The following GNA14 variants were observed in gnomAD, a reference collection of about 807,000 sequenced individuals.
The protein encoded by GNA14 is G protein subunit alpha 14.
A neutral mutation model predicts 42.0 loss-of-function variants in GNA14; 50 were observed. That is an observed-to-expected ratio of 1.19 (90% CI 0.95 to 1.51). GNA14 has a LOEUF of 1.51. Among genes scored for constraint, GNA14 ranks in the 40% most tolerant of loss-of-function variants. The pLI is 0.00. For missense variants in GNA14, 473 were observed against 446.2 expected (o/e 1.06, Z -0.54); for synonymous variants, 173 against 163.1 (o/e 1.06, Z -0.46).
At chr9:77,645,728 T>C (rs1432373350) in intron 1 of GNA14, among the ~76,000 whole-genome samples, 1 of 152,180 alleles carries the variant, frequency 6.6e-6, no homozygotes, top group Non-Finnish European at 1.5e-5. Context: ...TCAAACAGGC[T>C]TATTACCAAT....
At chr9:77,471,398 G>A (rs1169313312) in intron 2 of GNA14, among the ~76,000 whole-genome samples, 3 of 152,142 alleles carry the variant, frequency 2.0e-5, no homozygotes, top group African/African-American at 7.2e-5. Context: ...CTTTATGTGG[G>A]TGGACAGCCC....
At chr9:77,425,513 G>T (rs1164279570) in intron 6 of GNA14, 49 bp downstream of exon 6, 8 of 1,439,650 alleles carry the variant, frequency 5.6e-6, no homozygotes, top group Non-Finnish European at 7.6e-6. Context: ...ATGCCCGGGA[G>T]GTGGACGAGA....
intron 1 of GNA14, among the ~76,000 whole-genome samples, chr9:77,567,814 C>T (rs1822990913): frequency 7.4e-6 from 1 of 135,838 alleles, no homozygotes. Flanking sequence ...TTGCAGTGAG[C>T]CAAGATTGCA....
intron 1 of GNA14, among the ~76,000 whole-genome samples, chr9:77,604,947 A>G (rs774648761): frequency 8.5e-5 from 13 of 152,194 alleles, no homozygotes; most frequent in Non-Finnish European, 1.3e-4. Context: ...CCCTCGTGCC[A>G]TGTCACAGAA....
chr9:77,601,770 G>C (rs1433425641), intron 1 of GNA14, among the ~76,000 whole-genome samples: 1 of 152,178 alleles, frequency 6.6e-6, no homozygotes, highest in Admixed American at 6.5e-5. Context: ...CCCATCTGAC[G>C]GAAGCCCACT....
chr9:77,544,685 A>C (rs1837698917), intron 1 of GNA14, among the ~76,000 whole-genome samples: 2 of 151,856 alleles, frequency 1.3e-5, no homozygotes, highest in South Asian at 4.1e-4. Context: ...AAAAAAAAAA[A>C]AAAAAAGAAG....
chr9:77,525,592 G>A (rs999886393), intron 2 of GNA14, among the ~76,000 whole-genome samples: 7 of 149,960 alleles, frequency 4.7e-5, no homozygotes, highest in Non-Finnish European at 8.9e-5. Context: ...AGGCTGGAGT[G>A]CAGTGGCATG....
At chr9:77,467,858 C>A (rs968852392) in intron 2 of GNA14, among the ~76,000 whole-genome samples, 6 of 152,020 alleles carry the variant, frequency 3.9e-5, no homozygotes, top group Admixed American at 3.9e-4. Flanking sequence ...GTTAATAGTA[C>A]TTGGTTTTCT....
intron 1 of GNA14, among the ~76,000 whole-genome samples, chr9:77,625,425 C>T (rs1009557073): frequency 6.6e-6 from 1 of 151,978 alleles, no homozygotes; most frequent in Non-Finnish European, 1.5e-5. Flanking sequence ...AGAAGAGCAA[C>T]CCCAAGACAG....
intron 1 of GNA14, among the ~76,000 whole-genome samples, chr9:77,554,023 C>G (rs1822725581): frequency 6.6e-6 from 1 of 152,030 alleles, no homozygotes; most frequent in Admixed American, 6.6e-5. Context: ...ATGAATAAAA[C>G]CTACTAGGCC....
intron 1 of GNA14, among the ~76,000 whole-genome samples, chr9:77,591,923 T>TG (rs1823396925): frequency 6.6e-6 from 1 of 150,856 alleles, no homozygotes; most frequent in Non-Finnish European, 1.5e-5. Flanking sequence ...TTTTGGTTTT[T>TG]TTTTTTTTTG....
intron 1 of GNA14, among the ~76,000 whole-genome samples, chr9:77,607,758 G>A (rs995508990): frequency 2.3e-4 from 35 of 152,094 alleles, no homozygotes; most frequent in African/African-American, 8.5e-4. Flanking sequence ...CCTGGTTAGG[G>A]CCTGATTCCT....
intron 2 of GNA14, among the ~76,000 whole-genome samples, chr9:77,464,290 C>T (rs1836172316): frequency 6.6e-6 from 1 of 151,798 alleles, no homozygotes; most frequent in South Asian, 2.1e-4. Context: ...CATGAGCCAC[C>T]ATGCCCGGCC....
intron 6 of GNA14, among the ~76,000 whole-genome samples, chr9:77,425,048 C>CT (rs1428912942): frequency 6.6e-6 from 1 of 152,164 alleles, no homozygotes; most frequent in Non-Finnish European, 1.5e-5. Flanking sequence ...ATGCCACACT[C>CT]TAACATACAC....
intron 1 of GNA14, among the ~76,000 whole-genome samples, chr9:77,639,177 G>T (rs575797018): frequency 6.6e-6 from 1 of 152,266 alleles, no homozygotes; most frequent in South Asian, 2.1e-4. Flanking sequence ...CTTACCTTCT[G>T]GGGGAAGAGT....
At chr9:77,559,719 C>A (rs1055272222) in intron 1 of GNA14, among the ~76,000 whole-genome samples, 1 of 152,174 alleles carries the variant, frequency 6.6e-6, no homozygotes, top group Admixed American at 6.5e-5. Flanking sequence ...AAGAAAGCAC[C>A]ATTTAAGAAA....
intron 2 of GNA14, among the ~76,000 whole-genome samples, chr9:77,507,445 A>T (rs1837090131): frequency 6.6e-6 from 1 of 152,170 alleles, no homozygotes; most frequent in African/African-American, 2.4e-5. Context: ...AAGAACAAAC[A>T]TGTAGAGCAT....
intron 2 of GNA14, among the ~76,000 whole-genome samples, chr9:77,512,463 A>C (rs1030997808): frequency 2.0e-5 from 3 of 152,232 alleles, no homozygotes; most frequent in Non-Finnish European, 2.9e-5. Context: ...CTTATTCTGC[A>C]GAAATAATCT....
intron 1 of GNA14, among the ~76,000 whole-genome samples, chr9:77,529,882 T>C (rs1837502990): frequency 6.6e-6 from 1 of 152,068 alleles, no homozygotes; most frequent in African/African-American, 2.4e-5. Context: ...ATGTGAAAAA[T>C]GACATCAAAA....
Sources: gnomAD v4.1 joint callset for allele counts (sites outside exome capture counted in the v4.1 genomes callset) on GRCh38, gnomAD v4.1.1 for gene constraint, MANE v1.5 for transcripts, NCBI Gene and HGNC (gene_info 2026-07-23, HGNC 2026-07-21) for gene names.